SYT16: variants seen among roughly 807,000 people sequenced by gnomAD.
SYT16 encodes the protein synaptotagmin 16.
Under a neutral mutation model 61.4 loss-of-function variants are expected in SYT16, and 42 were observed. The ratio of observed to expected loss-of-function variants is 0.68; its 90% CI spans 0.53 to 0.89. SYT16 has a LOEUF of 0.89. Among genes scored for constraint, SYT16 ranks in the 40% least tolerant of loss-of-function variants. SYT16 has a pLI of 0.00. For synonymous variants in SYT16, 314 were observed against 302.3 expected (o/e 1.04, Z -0.40); for missense variants, 804 against 807.3 (o/e 1.00, Z 0.05).
intron 1 of SYT16, among the ~76,000 whole-genome samples, chr14:61,958,920 C>T (rs75800822): frequency 0.01 from 1,574 of 151,964 alleles, 27 homozygotes; most frequent in African/African-American, 0.036. Context: ...TTTTATATTT[C>T]GGGTGTTTTC....
chr14:62,053,277 C>G (rs2055393102), intron 3 of SYT16, among the ~76,000 whole-genome samples: 2 of 152,176 alleles, frequency 1.3e-5, no homozygotes, highest in South Asian at 4.1e-4. Context: ...AAAGGGGATC[C>G]TTTCTCAAGG....
intron 1 of SYT16, among the ~76,000 whole-genome samples, chr14:61,925,810 A>G (rs1372298329): frequency 6.6e-6 from 1 of 152,234 alleles, no homozygotes; most frequent in Admixed American, 6.5e-5. Flanking sequence ...GAATTATCTG[A>G]AAGCTGTGTG....
intron 1 of SYT16, among the ~76,000 whole-genome samples, chr14:61,962,265 A>G (rs1158877702): frequency 6.6e-6 from 1 of 152,074 alleles, no homozygotes; most frequent in Non-Finnish European, 1.5e-5. Context: ...CCCTGAACTT[A>G]AAAGTTAAAA....
intron 1 of SYT16, among the ~76,000 whole-genome samples, chr14:61,877,414 G>C (rs1475001433): frequency 6.6e-6 from 1 of 152,196 alleles, no homozygotes; most frequent in Non-Finnish European, 1.5e-5. Flanking sequence ...GGAGGACCAT[G>C]AATTGCAACC....
At chr14:61,922,618 C>G (rs1433118265) in intron 1 of SYT16, among the ~76,000 whole-genome samples, 3 of 152,138 alleles carry the variant, frequency 2.0e-5, no homozygotes. Context: ...ATAATCTATA[C>G]AACAAACCCC....
chr14:62,066,936 G>A (rs2056084086), intron 3 of SYT16, among the ~76,000 whole-genome samples: 1 of 152,326 alleles, frequency 6.6e-6, no homozygotes, highest in Middle Eastern at 3.4e-3. Flanking sequence ...TTGTTTCACA[G>A]CACATGCAGG....
At chr14:61,986,703 G>A (rs2052332575) in intron 2 of SYT16, among the ~76,000 whole-genome samples, 1 of 152,030 alleles carries the variant, frequency 6.6e-6, no homozygotes, top group Non-Finnish European at 1.5e-5. Flanking sequence ...TGTGGGAAAA[G>A]TTATTGAGGC....
Position 61,859,012 on chromosome 14 carries a change from G to A in SYT16, c.-325+46202G>A, listed in dbSNP as rs547501455. Among the ~76,000 whole-genome samples, 247 of 145,342 alleles carry A rather than the reference G, an allele frequency of 1.7e-3. 2 individuals are homozygous for A. The highest frequency in any genetic ancestry group is 3.0e-3 in the Non-Finnish European group (203 of 66,780). On this transcript the variant is annotated intron_variant, in intron 1 of 7. Transcript: ENST00000683842. ...TGGGACTACAGGCGCCCACCACTAC[G>A]CCCGGCTAATTTTTTTTTTTGTATT...
chr14:61,910,529 TG>T (rs1452644787), intron 1 of SYT16, among the ~76,000 whole-genome samples: 2 of 52,640 alleles, frequency 3.8e-5, no homozygotes, highest in Non-Finnish European at 1.1e-4. Flanking sequence ...CCCGCTGTTT[TG>T]TTTTTTTTTT....
chr14:61,877,715 G>A (rs2047548694), intron 1 of SYT16, among the ~76,000 whole-genome samples: 1 of 152,166 alleles, frequency 6.6e-6, no homozygotes, highest in Non-Finnish European at 1.5e-5. Flanking sequence ...TTCTCCCTGG[G>A]GAGCTGTGTG....
chr14:62,096,421 T>C (rs1196625782), intron 7 of SYT16, among the ~76,000 whole-genome samples: 2 of 152,102 alleles, frequency 1.3e-5, no homozygotes, highest in East Asian at 3.8e-4. Flanking sequence ...CTGAAATCTT[T>C]TTAATTTTTG....
intron 1 of SYT16, among the ~76,000 whole-genome samples, chr14:61,816,911 T>G (rs1220163383): frequency 2.7e-5 from 4 of 150,706 alleles, no homozygotes; most frequent in African/African-American, 7.3e-5. Context: ...CTCGGGAGGC[T>G]GAGGCAGGAG....
intron 3 of SYT16, among the ~76,000 whole-genome samples, chr14:62,012,098 T>A (rs1370020670): frequency 1.3e-5 from 2 of 151,924 alleles, no homozygotes; most frequent in African/African-American, 4.8e-5. Flanking sequence ...TACTACACAT[T>A]TAGTGGCTTA....
At chr14:62,066,276 G>A (rs1285481388) in intron 3 of SYT16, among the ~76,000 whole-genome samples, 1 of 152,222 alleles carries the variant, frequency 6.6e-6, no homozygotes, top group Non-Finnish European at 1.5e-5. Context: ...CCAGCACTAT[G>A]ATTAGAAATG....
chr14:61,813,060 C>T (rs1017259651), intron 1 of SYT16, among the ~76,000 whole-genome samples: 6 of 152,244 alleles, frequency 3.9e-5, no homozygotes, highest in African/African-American at 9.6e-5. Context: ...TGCCGTGTGG[C>T]AGCGGGGCCT....
At chr14:62,035,130 C>T (rs564391441) in intron 3 of SYT16, among the ~76,000 whole-genome samples, 11 of 152,124 alleles carry the variant, frequency 7.2e-5, no homozygotes, top group Admixed American at 1.3e-4. Context: ...ATCTTCTGGG[C>T]ACAGCTTGCC....
At chr14:62,072,950 GT>G (rs1439802394) in intron 4 of SYT16, among the ~76,000 whole-genome samples, 1 of 152,118 alleles carries the variant, frequency 6.6e-6, no homozygotes, top group African/African-American at 2.4e-5. Flanking sequence ...GCCAGGATAC[GT>G]TTCTCTGACA....
rs75052935 is a variant in SYT16, at chr14:62,105,720, T to A, written c.*5013T>A. 2 of 152,302 alleles carry A rather than the reference T, an allele frequency of 1.3e-5. No homozygotes were observed. The highest frequency in any genetic ancestry group is 1.9e-4 in the East Asian group (1 of 5,190). The allele number at this position is 152,302 out of a possible 1,614,324, so 9.4% of individuals were successfully genotyped here. A position where few individuals can be genotyped will look rare whatever the true frequency, so the allele number is the denominator to read the frequency against. On this transcript the variant is annotated 3_prime_UTR_variant, in exon 8 of 8. Transcript: ENST00000683842. ...TTTGTTGACATTTAATCTAGAGAAG[T>A]CTTCAGGAGCAAACCACTTCAAGTT...
chr14:62,011,888 C>CACACAT (rs2053470748), intron 3 of SYT16, among the ~76,000 whole-genome samples: 1 of 127,836 alleles, frequency 7.8e-6, no homozygotes, highest in African/African-American at 3.4e-5. Flanking sequence ...CACACACACA[C>CACACAT]ACACACACAC....
Sources: gnomAD v4.1 joint callset for allele counts (sites outside exome capture counted in the v4.1 genomes callset) on GRCh38, gnomAD v4.1.1 for gene constraint, MANE v1.5 for transcripts, NCBI Gene and HGNC (gene_info 2026-07-23, HGNC 2026-07-21) for gene names.